The following PDE4D variants were observed in gnomAD, a reference collection of about 807,000 sequenced individuals.
The protein encoded by PDE4D is 3',5'-cyclic-AMP phosphodiesterase 4D.
In PDE4D, 24 loss-of-function variants were observed where a neutral mutation model predicts 87.4. The ratio of observed to expected loss-of-function variants is 0.27; its 90% CI spans 0.20 to 0.39. The LOEUF is 0.39. Ranked by LOEUF, PDE4D falls within the 10% of genes least tolerant of loss-of-function variation. The pLI is 1.00. For missense variants in PDE4D, 714 were observed against 1,041.0 expected (o/e 0.69, Z 4.32); for synonymous variants, 384 against 383.2 (o/e 1.00, Z -0.02).
At chr5:59,624,387 T>C (rs1830666703) in intron 1 of PDE4D, among the ~76,000 whole-genome samples, 1 of 152,174 alleles carries the variant, frequency 6.6e-6, no homozygotes, top group Non-Finnish European at 1.5e-5. Flanking sequence ...TTAAAAGATC[T>C]TCTCCCGAAT....
intron 1 of PDE4D, among the ~76,000 whole-genome samples, chr5:60,433,889 C>T (rs76660967): frequency 3.2e-4 from 49 of 152,122 alleles, no homozygotes; most frequent in African/African-American, 1.0e-3. Flanking sequence ...ATGGACACAA[C>T]GAAGAGAAGG....
chr5:60,481,396 A>T (rs1156905400), intron 1 of PDE4D, among the ~76,000 whole-genome samples: 1 of 152,090 alleles, frequency 6.6e-6, no homozygotes, highest in Admixed American at 6.6e-5. Context: ...ACTTTTGTTG[A>T]TCCCTAGAAG....
At chr5:60,519,877 C>A (rs16878203) in intron 1 of PDE4D, among the ~76,000 whole-genome samples, 13,092 of 152,128 alleles carry the variant, frequency 0.086, 1,622 homozygotes, top group African/African-American at 0.27. Context: ...AGCTTTCAAG[C>A]CATATATGTA....
intron 1 of PDE4D, among the ~76,000 whole-genome samples, chr5:59,534,541 T>C (rs146220936): frequency 6.6e-6 from 1 of 152,060 alleles, no homozygotes; most frequent in South Asian, 2.1e-4. Context: ...GTGTCCAGGG[T>C]ATACAGAATG....
intron 1 of PDE4D, among the ~76,000 whole-genome samples, chr5:60,255,947 T>C (rs183568246): frequency 6.6e-6 from 1 of 152,072 alleles, no homozygotes; most frequent in Admixed American, 6.6e-5. Context: ...TGGTGTCATT[T>C]GAATTATAAC....
intron 5 of PDE4D, among the ~76,000 whole-genome samples, chr5:59,082,765 G>T (rs1227274578): frequency 6.6e-6 from 1 of 152,120 alleles, no homozygotes; most frequent in Non-Finnish European, 1.5e-5. Context: ...TGAGTTAAAT[G>T]CAGTTACTTT....
At chr5:59,298,391 C>T (rs563128528) in intron 1 of PDE4D, among the ~76,000 whole-genome samples, 19 of 152,194 alleles carry the variant, frequency 1.2e-4, no homozygotes, top group East Asian at 5.8e-4. Context: ...GCTGGAATTA[C>T]GGTGTGAGCC....
chr5:59,027,840 C>T (rs1197950463), intron 6 of PDE4D, among the ~76,000 whole-genome samples: 1 of 151,430 alleles, frequency 6.6e-6, no homozygotes, highest in African/African-American at 2.4e-5. Context: ...TATTAGAAAC[C>T]AAAATGAGGG....
intron 1 of PDE4D, chr5:59,797,208 A>G (rs1766592193): frequency 6.6e-6 from 1 of 151,944 alleles, no homozygotes; most frequent in Admixed American, 6.6e-5. Flanking sequence ...AAACACTCTT[A>G]AGCAGGAAAA....
intron 2 of PDE4D, among the ~76,000 whole-genome samples, chr5:60,126,785 C>T (rs577489459): frequency 2.0e-5 from 3 of 152,122 alleles, no homozygotes; most frequent in South Asian, 2.1e-4. Flanking sequence ...GAGGAGCTGC[C>T]GAGAACAAAG....
chr5:59,629,294 G>A (rs1831275770), intron 1 of PDE4D, among the ~76,000 whole-genome samples: 1 of 152,028 alleles, frequency 6.6e-6, no homozygotes, highest in Admixed American at 6.6e-5. Flanking sequence ...GGACCCTATT[G>A]GAAATAGGGT....
At chr5:60,037,838 A>G (rs1379356141) in intron 2 of PDE4D, among the ~76,000 whole-genome samples, 4 of 152,188 alleles carry the variant, frequency 2.6e-5, no homozygotes, top group Admixed American at 2.0e-4. Flanking sequence ...TGATTTCCTA[A>G]GCAACCCTAA....
chr5:60,203,158 G>A (rs1313442255), intron 1 of PDE4D, among the ~76,000 whole-genome samples: 1 of 152,100 alleles, frequency 6.6e-6, no homozygotes, highest in Non-Finnish European at 1.5e-5. Flanking sequence ...TTTTAGTAGA[G>A]ACGGGTTTCA....
intron 1 of PDE4D, among the ~76,000 whole-genome samples, chr5:59,451,748 C>G (rs531817108): frequency 1.6e-4 from 24 of 152,292 alleles, no homozygotes; most frequent in African/African-American, 5.8e-4. Flanking sequence ...CTGTAATAAT[C>G]TTCTAAATGG....
intron 1 of PDE4D, among the ~76,000 whole-genome samples, chr5:60,423,729 A>G (rs1204706956): frequency 1.3e-5 from 2 of 152,210 alleles, no homozygotes; most frequent in Non-Finnish European, 2.9e-5. Flanking sequence ...ACACACAAAA[A>G]ACCCTTCAAA....
At chr5:59,125,188 T>C in intron 5 of PDE4D, 1 of 617,258 alleles carries the variant, frequency 1.6e-6, no homozygotes, top group South Asian at 7.3e-5. Flanking sequence ...CCATGGCTCA[T>C]TAAGCTAGAG....
intron 1 of PDE4D, among the ~76,000 whole-genome samples, chr5:59,787,211 C>T (rs925265281): frequency 1.1e-4 from 17 of 152,144 alleles, no homozygotes; most frequent in South Asian, 2.1e-4. Flanking sequence ...ATTTCTTATG[C>T]GCCTTATACC....
chr5:59,729,202 ATG>A (rs1757030015), intron 1 of PDE4D, among the ~76,000 whole-genome samples: 1 of 152,074 alleles, frequency 6.6e-6, no homozygotes, highest in African/African-American at 2.4e-5. Flanking sequence ...TTTTACTAAT[ATG>A]TCTTTCCAAT....
At chr5:60,334,537 C>T (rs56247947) in intron 1 of PDE4D, among the ~76,000 whole-genome samples, 5,493 of 152,100 alleles carry the variant, frequency 0.036, 136 homozygotes, top group East Asian at 0.12. Context: ...TGACTTCATG[C>T]CTAGCCCTTC....
Sources: gnomAD v4.1 joint callset for allele counts (sites outside exome capture counted in the v4.1 genomes callset) on GRCh38, gnomAD v4.1.1 for gene constraint, MANE v1.5 for transcripts, NCBI Gene and HGNC (gene_info 2026-07-23, HGNC 2026-07-21) for gene names.